Variants in PSEN2 observed in about 807,000 individuals in gnomAD.
The protein encoded by PSEN2 is presenilin 2, also known as presenilin-2.
PSEN2 carries 32 observed loss-of-function variants against 49.1 expected under a neutral mutation model. That is an observed-to-expected ratio of 0.65 (90% CI 0.49 to 0.88). The LOEUF (loss-of-function observed/expected upper bound fraction) is 0.88, where lower values mean the gene tolerates loss of function less well. Ranked by LOEUF, PSEN2 falls within the 40% of genes least tolerant of loss-of-function variation. PSEN2 has a pLI of 0.00. For synonymous variants in PSEN2, 255 were observed against 244.0 expected, an observed-to-expected ratio of 1.05 and a Z score of -0.42; for missense variants, 522 against 586.9, an observed-to-expected ratio of 0.89 and a Z score of 1.14.
intron 9 of PSEN2, chr1:226,890,738 G>C (rs1171936359): frequency 5.2e-6 from 1 of 191,390 alleles, no homozygotes; most frequent in Non-Finnish European, 1.1e-5. Flanking sequence ...CCCTGTGATT[G>C]TGATGCCCTC....
Position 226,891,788 on chromosome 1 carries a change from T to A in PSEN2, c.1016T>A (p.Val339Asp). 6.2e-7 allele frequency: 1 copy of A among 1,614,114 alleles called. No individual in the cohort carries two copies. Among genetic ancestry groups the A allele is most frequent in the Non-Finnish European group, 8.5e-7 (1 of 1,180,014 alleles). ...TTTGGGGAGCCTTCATACCCCGAAG[T>A]CTTTGAGCCTCCCTTGACTGGCTAC... is the stretch of plus-strand genomic sequence containing the variant. Reference protein sequence around the residue: ...DSFGEPSYPEVFEPPLTGYPG... With the variant: ...DSFGEPSYPEDFEPPLTGYPG... Residue 339 changes from valine to aspartate, a missense_variant, in exon 11 of 13, where the codon GTC becomes GAC. Val to Asp is a radical substitution (Grantham distance 152). Transcript: ENST00000366783.
At chr1:226,874,770 G>A (rs1239868147) in intron 2 of PSEN2, among the ~76,000 whole-genome samples, 1 of 152,196 alleles carries the variant, frequency 6.6e-6, no homozygotes, top group Non-Finnish European at 1.5e-5. Context: ...TACAGCAGAG[G>A]AAATGAGCTG....
At chr1:226,876,974 T>G (rs1660669557) in intron 3 of PSEN2, among the ~76,000 whole-genome samples, 1 of 152,146 alleles carries the variant, frequency 6.6e-6, no homozygotes, top group South Asian at 2.1e-4. Context: ...GGTCTGAGAT[T>G]TTTCCACTCC....
At position 226,880,771 on chromosome 1, in the gene PSEN2, G is replaced by A. The variant is rs79540408; in HGVS notation, c.-20-1117G>A. On this transcript the variant is annotated intron_variant, in intron 3 of 12. Transcript: ENST00000366783. ...GTACTACTGTGTGAAACCCCACTTGGCACTGTTTTAGGGGGCAGGCTTCCC... is the reference window on the plus strand; with the variant it reads ...GTACTACTGTGTGAAACCCCACTTGACACTGTTTTAGGGGGCAGGCTTCCC... 16,652 of 1,610,570 alleles carry A rather than the reference G, an allele frequency of 0.01. 1,366 individuals carry two copies. In the African/African-American group the frequency reaches 0.19, roughly 18 times the overall value.
chr1:226,901,541 GC>G (rs200542307), downstream of PSEN2, among the ~76,000 whole-genome samples: 1,408 of 152,028 alleles, frequency 9.3e-3, 18 homozygotes, highest in African/African-American at 0.032. Flanking sequence ...AGGCAACATG[GC>G]AAGACCCCAT....
intron 4 of PSEN2, 51 bp downstream of exon 4, chr1:226,882,099 G>A: frequency 1.2e-6 from 2 of 1,604,784 alleles, no homozygotes; most frequent in African/African-American, 1.3e-5. Context: ...TGCGGCTACT[G>A]TACCTTACAG....
rs76153780 is a variant in PSEN2 at position 226,886,739 on chromosome 1, C to T, written c.498+1060C>T. ...GGGAGGGAGCTGAGCCCCCTTCCAG[C>T]GGGGGCAGCAGAGGGGAAAGCCATG... On this transcript the variant is annotated intron_variant, in intron 6 of 12. Transcript: ENST00000366783. Among the ~76,000 whole-genome samples, 1,275 of 152,166 alleles carry T rather than the reference C, an allele frequency of 8.4e-3. 20 individuals carry two copies. The highest frequency in any genetic ancestry group is 0.029 in the African/African-American group (1,199 of 41,504).
intron 5 of PSEN2, 52 bp downstream of exon 5, chr1:226,883,971 G>A (rs1558145458): frequency 1.7e-6 from 2 of 1,200,488 alleles, no homozygotes; most frequent in East Asian, 2.9e-5. Context: ...GAGTTGCCAG[G>A]GGGTGGGGGG....
At chr1:226,887,314 G>A (rs1378405755) in intron 6 of PSEN2, among the ~76,000 whole-genome samples, 2 of 152,320 alleles carry the variant, frequency 1.3e-5, no homozygotes, top group African/African-American at 4.8e-5. Context: ...TGTGTGTGCA[G>A]CAGGGCCGTG....
downstream of PSEN2, chr1:226,897,702 T>C (rs1662199434): frequency 6.4e-6 from 1 of 155,464 alleles, no homozygotes; most frequent in Non-Finnish European, 1.5e-5. Context: ...AACTAATATC[T>C]TTCCATATTT....
At chr1:226,888,651 G>C (rs1209623023) in intron 7 of PSEN2, among the ~76,000 whole-genome samples, 178 bp from the exon 8 acceptor site, 1 of 152,200 alleles carries the variant, frequency 6.6e-6, no homozygotes, top group East Asian at 1.9e-4. Flanking sequence ...TCTGTGATCT[G>C]TTCCAAGCAT....
At chr1:226,894,175 G>A in intron 12 of PSEN2, 50 bp downstream of exon 12, 1 of 1,389,338 alleles carries the variant, frequency 7.2e-7, no homozygotes. Flanking sequence ...GGCCCCCAGG[G>A]TCCTCATTGT....
In PSEN2 at chr1:226,889,175, A is replaced by G. The variant is rs1039457109; in HGVS notation, c.787+126A>G. The G allele has an allele frequency of 4.7e-6, 4 of 851,678 alleles. No individual in the cohort carries two copies. In the African/African-American group the frequency reaches 6.7e-5, roughly 14 times the overall value. The allele number at this position is 851,678 out of a possible 1,614,324, so 52.8% of individuals were successfully genotyped here. A position where few individuals can be genotyped will look rare whatever the true frequency, so the allele number is the denominator to read the frequency against. On this transcript the variant is annotated intron_variant, in intron 8 of 12. Coordinates refer to ENST00000366783, the MANE Select transcript of PSEN2 (RefSeq NM_000447.3). ...CCCTTTCTGCAGAGGCCTGGGTGGG[A>G]TCCCTCCTGAGAGAGTCGCCTTTGT...
At chr1:226,891,033 C>T (rs1360458803) in intron 9 of PSEN2, 3 of 553,492 alleles carry the variant, frequency 5.4e-6, no homozygotes, top group Non-Finnish European at 9.8e-6. Context: ...GAGGTCTTGG[C>T]TCTGATAGAC....
chr1:226,889,618 G>A (rs905035010), intron 8 of PSEN2, among the ~76,000 whole-genome samples: 2 of 152,234 alleles, frequency 1.3e-5, no homozygotes, highest in Non-Finnish European at 2.9e-5. Flanking sequence ...CAAGTGCACT[G>A]TTAAGCACTG....
At chr1:226,886,160 A>G (rs1439642216) in intron 6 of PSEN2, among the ~76,000 whole-genome samples, 1 of 152,166 alleles carries the variant, frequency 6.6e-6, no homozygotes, top group East Asian at 1.9e-4. Context: ...GAGCCATTGC[A>G]TCCAGCCTGT....
rs542471629 is a variant in PSEN2, at chr1:226,895,306, A to G, written c.1192-118A>G. The G allele has an allele frequency of 5.0e-5, 57 of 1,147,730 alleles. No individual in the cohort carries two copies. In the African/African-American group the frequency reaches 7.7e-4, roughly 15 times the overall value. 71.1% of individuals were successfully genotyped at this position (1,147,730 alleles called of 1,614,324 possible). ...GACCAGGGAAGATAATGGGGTGTCT[A>G]GCGCCGTTATCCGACTGGTCCTCGA... On this transcript the variant is annotated intron_variant, in intron 12 of 12. Transcript: ENST00000366783.
At chr1:226,892,342 C>G (rs910700585) in intron 11 of PSEN2, among the ~76,000 whole-genome samples, 3 of 152,164 alleles carry the variant, frequency 2.0e-5, no homozygotes, top group African/African-American at 7.2e-5. Flanking sequence ...CAGACAGACT[C>G]AGGAATCAGA....
intron 3 of PSEN2, among the ~76,000 whole-genome samples, chr1:226,881,613 C>G (rs1466998223): frequency 2.0e-5 from 3 of 152,350 alleles, no homozygotes; most frequent in East Asian, 3.9e-4. Context: ...AGCACACTGA[C>G]AGTTTGGAGC....
Sources: allele counts gnomAD v4.1 joint callset (sites outside exome capture counted in the v4.1 genomes callset), GRCh38; gene constraint gnomAD v4.1.1; transcripts MANE v1.5; gene names NCBI Gene and HGNC (gene_info 2026-07-23, HGNC 2026-07-21).